Variants in POFUT2 observed in about 807,000 individuals in gnomAD.
POFUT2 encodes the protein GDP-fucose protein O-fucosyltransferase 2.
Under a neutral mutation model 55.0 loss-of-function variants are expected in POFUT2, and 30 were observed. The observed-to-expected ratio is 0.55, with a 90% CI of 0.41 to 0.74. The LOEUF (loss-of-function observed/expected upper bound fraction) is 0.74. Ranked by LOEUF, POFUT2 falls within the 30% of genes least tolerant of loss-of-function variation. POFUT2 has a pLI of 0.00. For synonymous variants in POFUT2, 267 were observed against 231.1 expected (o/e 1.16, Z -1.41); for missense variants, 524 against 562.6 (o/e 0.93, Z 0.69).
At chr21:45,278,913 A>T (rs1401595641) in intron 4 of POFUT2, among the ~76,000 whole-genome samples, 1 of 152,102 alleles carries the variant, frequency 6.6e-6, no homozygotes, top group Non-Finnish European at 1.5e-5. Context: ...ACGTTACCTA[A>T]TTCCACGTGG....
intron 7 of POFUT2, among the ~76,000 whole-genome samples, 188 bp downstream of exon 7, chr21:45,269,651 G>A (rs1171396785): frequency 1.3e-5 from 2 of 151,812 alleles, no homozygotes; most frequent in African/African-American, 4.9e-5. Context: ...CAAACACTGC[G>A]GAAGGCCGCA....
intron 8 of POFUT2, chr21:45,266,779 G>A (rs1042603419): frequency 5.4e-5 from 54 of 996,802 alleles, no homozygotes; most frequent in Non-Finnish European, 6.2e-5. Context: ...AGCATTCCTC[G>A]GGCAGGAGAG....
At position 45,267,674 on chromosome 21, in the gene POFUT2, C is replaced by T. The variant is rs1602150870; in HGVS notation, c.1052G>A (p.Arg351Lys). ...CAGCTCCTCCCACGTGGGTTCAAAC[C>T]TCACCATCTCGGGTAACAGCTTTTT... Reference protein sequence around the residue: ...ELKKLLPEMVRFEPTWEELEL... With the variant: ...ELKKLLPEMVKFEPTWEELEL... Residue 351 changes from arginine to lysine, a missense_variant, in exon 8 of 9, where the codon AGG (arginine) becomes AAG (lysine). Arg to Lys is a conservative substitution (Grantham distance 26). Coordinates refer to ENST00000349485, the MANE Select transcript of POFUT2 (RefSeq NM_133635.6). This position sits in a 1 kb window ranked among gnomAD's most constrained non-coding sequence, Gnocchi z 4.4. 1 of 1,614,100 alleles carries T rather than the reference C, an allele frequency of 6.2e-7. No individual in the cohort carries two copies. Among genetic ancestry groups the T allele is most frequent in the Non-Finnish European group, 8.5e-7 (1 of 1,180,046 alleles).
chr21:45,287,698 C>G, intron 1 of POFUT2, 43 bp downstream of exon 1: 3 of 1,392,930 alleles, frequency 2.2e-6, no homozygotes, highest in South Asian at 1.7e-5. Flanking sequence ...TGACCCTGCC[C>G]GGTCCTGGAA....
Position 45,281,819 on chromosome 21 carries a change from G to A in POFUT2, c.638+530C>T, listed in dbSNP as rs1034508319. Among the ~76,000 whole-genome samples, 1 of 151,964 alleles carries A rather than the reference G, an allele frequency of 6.6e-6. No homozygotes were observed. Among genetic ancestry groups the A allele is most frequent in the Non-Finnish European group, 1.5e-5 (1 of 68,012 alleles). ...ATCAACAATTCCCTCCAGAGTTTACGACATCATCAGGTACTGACTTGTCTG... is the reference window on the plus strand; with the variant it reads ...ATCAACAATTCCCTCCAGAGTTTACAACATCATCAGGTACTGACTTGTCTG... On this transcript the variant is annotated intron_variant, in intron 4 of 8. Transcript: ENST00000349485. The surrounding 1 kb of genome is among the most constrained non-coding windows in gnomAD (Gnocchi z 5.0).
Position 45,265,623 on chromosome 21 carries a change from G to A in POFUT2, c.1149C>T (p.Gly383=). The A allele has an allele frequency of 6.2e-7, 1 of 1,612,448 alleles. No individual in the cohort carries two copies. Among genetic ancestry groups the A allele is most frequent in the Non-Finnish European group, 8.5e-7 (1 of 1,179,442 alleles). Residue 383 remains glycine, a synonymous_variant, in exon 9 of 9, where the codon GGC becomes GGT. Transcript: ENST00000349485. The surrounding 1 kb of genome is among the most constrained non-coding windows in gnomAD (Gnocchi z 4.6). ...WICAHARFFI[G]TSVSTFSFRI... ...GAAAAGAAAATGTTGAGACTGAGGTGCCAATAAAAAACCTGCAAAGGATCA... is the reference window on the plus strand; with the variant it reads ...GAAAAGAAAATGTTGAGACTGAGGTACCAATAAAAAACCTGCAAAGGATCA...
At chr21:45,279,805 A>G (rs2030370007) in intron 4 of POFUT2, among the ~76,000 whole-genome samples, 1 of 152,222 alleles carries the variant, frequency 6.6e-6, no homozygotes, top group Non-Finnish European at 1.5e-5. Context: ...CAAAAGAACG[A>G]GGTGATGTCC....
chr21:45,266,311 G>C, intron 8 of POFUT2: 3 of 1,365,070 alleles, frequency 2.2e-6, no homozygotes, highest in South Asian at 1.1e-5. Flanking sequence ...AGGGCCAGCA[G>C]GCCACACAGG....
Position 45,278,105 on chromosome 21 carries a change from C to T in POFUT2, c.703G>A (p.Asp235Asn), listed in dbSNP as rs2030028644. ...AACGCTCCCGAGGAAACACTCACATCCCAGTATTCTTTCCCTCCATAGTGG... is the reference window on the plus strand; with the variant it reads ...AACGCTCCCGAGGAAACACTCACATTCCAGTATTCTTTCCCTCCATAGTGG... ...HDHYGGKEYW[D>N]TRRSMVFARH... Residue 235 changes from aspartate (D) to asparagine (N), a missense_variant and splice_region_variant, in exon 5 of 9, where the codon GAT becomes AAT. Physicochemically the swap from Asp to Asn is conservative, Grantham distance 23. This residue lies in a region of POFUT2 where 250 missense variants were observed against 318.2 expected (regional missense o/e 0.79). Transcript: ENST00000349485. The T allele has an allele frequency of 5.0e-6, 8 of 1,612,296 alleles. No individual in the cohort carries two copies. The highest frequency in any genetic ancestry group is 1.3e-5 in the African/African-American group (1 of 75,016).
Position 45,285,767 on chromosome 21 carries a change from T to TG in POFUT2, c.292dup (p.His98ProfsTer9), listed in dbSNP as rs1158199309. 6.2e-7 allele frequency: 1 copy of TG among 1,613,524 alleles called. No individual in the cohort carries two copies. Among genetic ancestry groups the TG allele is most frequent in the East Asian group, 2.2e-5 (1 of 44,896 alleles). ...CTCAGACCAGGGAATCCGGACCTGG[T>TG]GGATGTCAGGACTCTGCCAGTGATA... On this transcript the variant is annotated frameshift_variant, in exon 2 of 9. Transcript: ENST00000349485. LOFTEE classifies it high-confidence loss of function. This position sits in a 1 kb window ranked among gnomAD's most constrained non-coding sequence, Gnocchi z 4.9.
intron 3 of POFUT2, 81 bp downstream of exon 3, chr21:45,283,293 GGGGGGCGCC>G: frequency 1.7e-6 from 1 of 598,274 alleles, no homozygotes; most frequent in Non-Finnish European, 2.7e-6. Context: ...AGGAGTGGGC[GGGGGGCGCC>G]TGAGGCGGGG....
At chr21:45,286,888 A>C in intron 1 of POFUT2, among the ~76,000 whole-genome samples, 1 of 152,148 alleles carries the variant, frequency 6.6e-6, no homozygotes, top group East Asian at 1.9e-4. Flanking sequence ...CCACAGCCAC[A>C]GGGCGGCCGC....
intron 7 of POFUT2, among the ~76,000 whole-genome samples, chr21:45,269,388 C>T (rs989589932): frequency 2.0e-5 from 3 of 151,962 alleles, no homozygotes; most frequent in Non-Finnish European, 4.4e-5. Context: ...GGATGGTTGC[C>T]GTGTCTGTGT....
chr21:45,266,077 C>T (rs2093151109), intron 8 of POFUT2: 5 of 1,282,220 alleles, frequency 3.9e-6, no homozygotes, highest in South Asian at 1.3e-5. Flanking sequence ...CAGTAGACAT[C>T]ACGGAGGTCA....
rs1438098755 is a variant in POFUT2 at position 45,270,128 on chromosome 21, T to G, written c.832-109A>C. 2 of 803,954 alleles carry G rather than the reference T, an allele frequency of 2.5e-6. No homozygotes were observed. The highest frequency in any genetic ancestry group is 3.6e-6 in the Non-Finnish European group (2 of 558,384). 49.8% of individuals were successfully genotyped at this position (803,954 alleles called of 1,614,324 possible). A position where few individuals can be genotyped will look rare whatever the true frequency, so the allele number is the denominator to read the frequency against. On this transcript the variant is annotated intron_variant, in intron 6 of 8. Transcript: ENST00000349485. The surrounding 1 kb of genome is among the most constrained non-coding windows in gnomAD (Gnocchi z 4.6). ...GAGGGATGACCCTTTCCATGTGGCC[T>G]CCTCCACGGGGTGGCTCCAGGGCTG...
At chr21:45,274,318 CA>C (rs1274109201) in intron 6 of POFUT2, among the ~76,000 whole-genome samples, 4 of 152,106 alleles carry the variant, frequency 2.6e-5, no homozygotes, top group Non-Finnish European at 5.9e-5. Flanking sequence ...TCATAGACAA[CA>C]AAAACTAATG....
At chr21:45,286,480 A>G (rs1163909632) in intron 1 of POFUT2, among the ~76,000 whole-genome samples, 1 of 152,194 alleles carries the variant, frequency 6.6e-6, no homozygotes, top group Non-Finnish European at 1.5e-5. Context: ...GGATTCCCAT[A>G]CCCGTTTCTG....
rs1248674841 is a variant in POFUT2 at position 45,277,770 on chromosome 21, A to G, written c.705+333T>C. 5.6e-6 allele frequency: 2 copies of G among 355,794 alleles called. No homozygotes were observed. The highest frequency in any genetic ancestry group is 8.6e-5 in the Admixed American group (2 of 23,122). The allele number at this position is 355,794 out of a possible 1,614,324, so 22.0% of individuals were successfully genotyped here. ...GCTGCAGAGAATAGTCCCACCTTTC[A>G]AAGCTAAAGAGAGGAGAAAGGAGGG... On this transcript the variant is annotated intron_variant, in intron 5 of 8. Coordinates refer to ENST00000349485, the MANE Select transcript of POFUT2 (RefSeq NM_133635.6). The surrounding 1 kb of genome is among the most constrained non-coding windows in gnomAD (Gnocchi z 6.9).
chr21:45,286,036 A>G (rs2031371072), intron 1 of POFUT2, 108 bp from the exon 2 acceptor site: 3 of 961,718 alleles, frequency 3.1e-6, no homozygotes, highest in Admixed American at 2.3e-5. Flanking sequence ...GCACTTAACA[A>G]TGGTTCCTAG....
Sources: allele counts gnomAD v4.1 joint callset (sites outside exome capture counted in the v4.1 genomes callset), GRCh38; gene constraint gnomAD v4.1.1; regional missense constraint gnomAD v4.1.1; non-coding constraint Gnocchi (gnomAD v3.1); transcripts MANE v1.5; gene names NCBI Gene and HGNC (gene_info 2026-07-23, HGNC 2026-07-21).